CSMD1: variants seen among roughly 807,000 people sequenced by gnomAD.
CSMD1 encodes the protein CUB and Sushi multiple domains 1, also known as CUB and sushi domain-containing protein 1.
CSMD1 carries 213 observed loss-of-function variants against 417.5 expected under a neutral mutation model. The observed-to-expected ratio is 0.51, with a 90% CI of 0.46 to 0.57. The LOEUF (loss-of-function observed/expected upper bound fraction) is 0.57, where lower values mean the gene tolerates loss of function less well. CSMD1 is among the 20% of genes least tolerant of loss of function. The probability of loss-of-function intolerance (pLI) is 0.00; values close to 1 mark genes in which losing one functional copy is unlikely to be tolerated. For missense variants in CSMD1, 6,923 were observed against 4,529.7 expected (o/e 1.53, Z -15.17); for synonymous variants, 2,862 against 1,736.8 (o/e 1.65, Z -16.11).
chr8:3,222,031 C>T (rs920141633), intron 28 of CSMD1, among the ~76,000 whole-genome samples: 15 of 152,134 alleles, frequency 9.9e-5, no homozygotes, highest in African/African-American at 3.6e-4. Context: ...TCTCTCCCTC[C>T]TCACTACTTC....
In CSMD1 at chr8:3,367,040, G is replaced by A; in HGVS notation, c.3107C>T (p.Thr1036Ile). 6.2e-7 allele frequency: 1 copy of A among 1,612,454 alleles called. No individual in the cohort carries two copies. Among genetic ancestry groups the A allele is most frequent in the Non-Finnish European group, 8.5e-7 (1 of 1,178,860 alleles). ...FSISYEGFNI[T>I]FSEYDLEPCD... Reference sequence around the variant, plus strand: ...AAACAAGACCAACATACCTGAAAATGTGATATTGAAGCCCTCGTACGAAAT... The same window carrying A: ...AAACAAGACCAACATACCTGAAAATATGATATTGAAGCCCTCGTACGAAAT... The change falls in exon 20 of 70, where the codon ACA becomes ATA. Residue 1036 changes from threonine to isoleucine, a missense_variant. Coordinates refer to ENST00000635120, the MANE Select transcript of CSMD1 (RefSeq NM_033225.6).
intron 5 of CSMD1, among the ~76,000 whole-genome samples, chr8:3,779,930 T>C (rs1458394283): frequency 1.3e-5 from 2 of 152,248 alleles, no homozygotes; most frequent in Admixed American, 6.5e-5. Context: ...CTGCTTGTCT[T>C]AACCTTTAAA....
rs547154647 is a variant in CSMD1 at position 4,794,245 on chromosome 8, T to C, written c.86-156687A>G. 6.9e-3 allele frequency among the ~76,000 whole-genome samples: 1,053 copies of C among 152,260 alleles called. 10 individuals carry two copies. Among genetic ancestry groups the C allele is most frequent in the African/African-American group, 0.024 (1,012 of 41,560 alleles). On this transcript the variant is annotated intron_variant, in intron 1 of 69. Transcript: ENST00000635120. ...TTTATCACACTTTTTGTCAGTAATATTTTGAAAAATCCCACATTGTATATA... is the reference window on the plus strand; with the variant it reads ...TTTATCACACTTTTTGTCAGTAATACTTTGAAAAATCCCACATTGTATATA...
At chr8:4,943,779 T>C (rs1411253680) in intron 1 of CSMD1, among the ~76,000 whole-genome samples, 3 of 152,126 alleles carry the variant, frequency 2.0e-5, no homozygotes, top group Non-Finnish European at 4.4e-5. Context: ...TCCCTGAAAA[T>C]TGCATGTTAG....
rs192193370 is a variant in CSMD1, at chr8:3,553,465, A to T, written c.1344+21480T>A. Among the ~76,000 whole-genome samples the T allele has an allele frequency of 2.1e-3, 326 of 152,310 alleles. 2 individuals are homozygous for T. The highest frequency in any genetic ancestry group is 7.3e-3 in the African/African-American group (302 of 41,566). On this transcript the variant is annotated intron_variant, in intron 10 of 69. Transcript: ENST00000635120. ...TCCTCAGTTTCTTCCCTACTATGAAAAAAATTTGAAGAAGATATTCCTAAG... is the reference window on the plus strand; with the variant it reads ...TCCTCAGTTTCTTCCCTACTATGAATAAAATTTGAAGAAGATATTCCTAAG...
rs77871232 is a variant in CSMD1 at position 4,689,749 on chromosome 8, G to C, written c.86-52191C>G. Reference sequence around the variant, plus strand: ...TTTGGCTGCAGTTATTTCTGTACCTGATGACCTCTTCTATTAAAATGATGG... The same window carrying C: ...TTTGGCTGCAGTTATTTCTGTACCTCATGACCTCTTCTATTAAAATGATGG... On this transcript the variant is annotated intron_variant, in intron 1 of 69. Transcript: ENST00000635120. Among the ~76,000 whole-genome samples, 580 of 152,256 alleles carry C rather than the reference G, an allele frequency of 3.8e-3. 1 individual carries two copies. The highest frequency in any genetic ancestry group is 0.013 in the African/African-American group (559 of 41,548).
At chr8:4,673,507 G>A (rs1331489828) in intron 1 of CSMD1, among the ~76,000 whole-genome samples, 6 of 152,026 alleles carry the variant, frequency 3.9e-5, no homozygotes, top group Admixed American at 3.9e-4. Context: ...GTGTTTTGTT[G>A]GAAGAGTTTC....
chr8:3,097,528 C>T (rs960591026), intron 46 of CSMD1, among the ~76,000 whole-genome samples: 1 of 152,082 alleles, frequency 6.6e-6, no homozygotes, highest in East Asian at 1.9e-4. Flanking sequence ...GTCCAGAATC[C>T]TACGTCGTTT....
intron 3 of CSMD1, among the ~76,000 whole-genome samples, chr8:4,082,693 C>T (rs974362572): frequency 1.3e-5 from 2 of 151,586 alleles, no homozygotes; most frequent in Admixed American, 6.6e-5. Context: ...ATACATGTGC[C>T]ATGCTGGTGT....
In CSMD1 at chr8:4,291,228, TTATGA is replaced by T. The variant is rs201538576; in HGVS notation, c.415+128720_415+128724del. On this transcript the variant is annotated intron_variant, in intron 3 of 69. Transcript: ENST00000635120. The stretch of plus-strand genomic sequence containing the variant: ...AATTTTAAAAACAAAAATAATATGC[TTATGA>T]TATGTGCAAATATTAAGTAATAAAG... Among the ~76,000 whole-genome samples the T allele has an allele frequency of 8.1e-3, 1,240 of 152,208 alleles. 14 individuals are homozygous for T. The highest frequency in any genetic ancestry group is 0.029 in the African/African-American group (1,204 of 41,534).
chr8:3,203,467 C>T (rs376011505), intron 31 of CSMD1, among the ~76,000 whole-genome samples: 71 of 152,294 alleles, frequency 4.7e-4, no homozygotes, highest in African/African-American at 1.6e-3. Context: ...ACTGTCAATG[C>T]TTCATGGTGA....
At chr8:3,887,296 C>T (rs1333853940) in intron 5 of CSMD1, among the ~76,000 whole-genome samples, 1 of 152,162 alleles carries the variant, frequency 6.6e-6, no homozygotes. Context: ...CACGGTACAT[C>T]CTCCCCCCAT....
chr8:4,449,379 T>C (rs558410874), intron 2 of CSMD1, among the ~76,000 whole-genome samples: 21 of 152,222 alleles, frequency 1.4e-4, no homozygotes, highest in Non-Finnish European at 2.8e-4. Flanking sequence ...GATTCTGGTG[T>C]ATAACATAAG....
At chr8:3,212,988 C>A (rs1001192587) in intron 30 of CSMD1, among the ~76,000 whole-genome samples, 2 of 152,012 alleles carry the variant, frequency 1.3e-5, no homozygotes, top group South Asian at 4.2e-4. Context: ...ACCACCACGC[C>A]CAGCTAATTT....
intron 3 of CSMD1, among the ~76,000 whole-genome samples, chr8:4,186,344 C>T (rs180803426): frequency 4.6e-5 from 7 of 152,082 alleles, no homozygotes; most frequent in Non-Finnish European, 8.8e-5. Context: ...ATGGCCCAGC[C>T]CTGGGCTGAT....
At chr8:4,910,761 C>A (rs1403085907) in intron 1 of CSMD1, among the ~76,000 whole-genome samples, 1 of 152,128 alleles carries the variant, frequency 6.6e-6, no homozygotes, top group Non-Finnish European at 1.5e-5. Flanking sequence ...TATTGTCTCA[C>A]CCCAACAAGG....
At chr8:4,246,815 G>A (rs1324792129) in intron 3 of CSMD1, among the ~76,000 whole-genome samples, 1 of 152,106 alleles carries the variant, frequency 6.6e-6, no homozygotes, top group East Asian at 1.9e-4. Context: ...TAGGACATTT[G>A]ACTTGTAAAT....
At chr8:3,006,655 A>G (rs1248665546) in intron 52 of CSMD1, among the ~76,000 whole-genome samples, 26 of 150,036 alleles carry the variant, frequency 1.7e-4, no homozygotes, top group Admixed American at 5.3e-4. Flanking sequence ...CAAACCTGAG[A>G]AAAACAAGCA....
rs549511320 is a variant in CSMD1, at chr8:4,645,444, C to CAAAAAAAAAAAAA, written c.86-7899_86-7887dup. 8.4e-4 allele frequency among the ~76,000 whole-genome samples: 31 copies of CAAAAAAAAAAAAA among 36,854 alleles called. 6 individuals carry two copies. The highest frequency in any genetic ancestry group is 3.0e-3 in the South Asian group (2 of 666). The allele number at this position is 36,854 out of a possible 152,430, so 24.2% of individuals were successfully genotyped here. On this transcript the variant is annotated intron_variant, in intron 1 of 69. Transcript: ENST00000635120. The stretch of plus-strand genomic sequence containing the variant: ...CAAGACAGCAGGTGTAGTGCAGGGG[C>CAAAAAAAAAAAAA]AAAAAAAAAAAAAAAAAAAAAAAGG...
Sources: gnomAD v4.1 joint callset for allele counts (sites outside exome capture counted in the v4.1 genomes callset) on GRCh38, gnomAD v4.1.1 for gene constraint, MANE v1.5 for transcripts, NCBI Gene and HGNC (gene_info 2026-07-23, HGNC 2026-07-21) for gene names.